The following CDC42BPA variants were observed in gnomAD, a reference collection of about 807,000 sequenced individuals.
CDC42BPA encodes the protein serine/threonine-protein kinase MRCK alpha.
CDC42BPA carries 80 observed loss-of-function variants against 223.5 expected under a neutral mutation model. That is an observed-to-expected ratio of 0.36 (90% CI 0.30 to 0.43). The LOEUF is 0.43. Ranked by LOEUF, CDC42BPA falls within the 20% of genes least tolerant of loss-of-function variation. The pLI, the probability that CDC42BPA is intolerant of heterozygous loss-of-function variation, is 1.00. For synonymous variants in CDC42BPA, 694 were observed against 718.6 expected (o/e 0.97, Z 0.55); for missense variants, 1,743 against 2,099.9 (o/e 0.83, Z 3.32).
intron 1 of CDC42BPA, among the ~76,000 whole-genome samples, chr1:227,268,823 C>A (rs886706679): frequency 3.3e-5 from 5 of 151,696 alleles, no homozygotes; most frequent in African/African-American, 1.2e-4. Flanking sequence ...GTAGCTGCGA[C>A]TACAGGCACA....
Position 227,281,696 on chromosome 1 carries a change from T to C in CDC42BPA, c.179-27541A>G, listed in dbSNP as rs74623287. ...CAACCACTAGCCTGAGTTAGAGCTT[T>C]TGCAAGTGCTCCAACTCAGACAATT... On this transcript the variant is annotated intron_variant, in intron 1 of 36. Transcript: ENST00000366766. Among the ~76,000 whole-genome samples the C allele has an allele frequency of 6.6e-4, 101 of 152,216 alleles. 1 individual carries two copies. Among genetic ancestry groups the C allele is most frequent in the Middle Eastern group, 3.4e-3 (1 of 294 alleles).
chr1:227,198,759 GTTT>G (rs5781469), intron 4 of CDC42BPA, among the ~76,000 whole-genome samples: 10 of 144,288 alleles, frequency 6.9e-5, no homozygotes, highest in Admixed American at 2.8e-4. Flanking sequence ...ATTTAAATGT[GTTT>G]TTTTTTTTTT....
At chr1:227,268,360 T>G (rs1275694673) in intron 1 of CDC42BPA, among the ~76,000 whole-genome samples, 5 of 152,136 alleles carry the variant, frequency 3.3e-5, no homozygotes. Context: ...AATTCTGTTT[T>G]AGTCGGTTTC....
intron 21 of CDC42BPA, among the ~76,000 whole-genome samples, chr1:227,062,800 C>T (rs1182367321): frequency 6.6e-6 from 1 of 151,184 alleles, no homozygotes; most frequent in Non-Finnish European, 1.5e-5. Context: ...TATATTACCA[C>T]CCATGTAAAA....
chr1:227,239,878 C>A (rs542463297), intron 2 of CDC42BPA, among the ~76,000 whole-genome samples: 2 of 152,154 alleles, frequency 1.3e-5, no homozygotes, highest in African/African-American at 4.8e-5. Context: ...GATGTCCACC[C>A]TTGTGACACC....
chr1:227,228,596 A>T (rs546626734), intron 2 of CDC42BPA, among the ~76,000 whole-genome samples: 1 of 152,316 alleles, frequency 6.6e-6, no homozygotes, highest in Non-Finnish European at 1.5e-5. Context: ...TAACATTTTG[A>T]GGAACTCTCT....
chr1:227,128,980 C>T (rs1656409291), intron 11 of CDC42BPA, 129 bp downstream of exon 11: 4 of 653,618 alleles, frequency 6.1e-6, no homozygotes, highest in Admixed American at 6.4e-5. Context: ...TTCTTATTTG[C>T]CCTTCCCTGA....
At chr1:227,246,970 G>A (rs1049803085) in intron 2 of CDC42BPA, among the ~76,000 whole-genome samples, 1 of 151,906 alleles carries the variant, frequency 6.6e-6, no homozygotes, top group African/African-American at 2.4e-5. Flanking sequence ...GGAGGCCGAG[G>A]TGGGTGGATT....
intron 15 of CDC42BPA, among the ~76,000 whole-genome samples, chr1:227,096,693 A>G (rs942828019): frequency 6.6e-6 from 1 of 152,154 alleles, no homozygotes. Flanking sequence ...GCTTCTTTTC[A>G]GCTGTCTTTG....
intron 21 of CDC42BPA, among the ~76,000 whole-genome samples, chr1:227,052,732 T>C (rs1475159178): frequency 6.6e-6 from 1 of 152,146 alleles, no homozygotes; most frequent in Non-Finnish European, 1.5e-5. Context: ...CAAAACAATG[T>C]TTAGATCAGA....
chr1:227,280,927 T>G (rs779164628), intron 1 of CDC42BPA, among the ~76,000 whole-genome samples: 1 of 152,162 alleles, frequency 6.6e-6, no homozygotes, highest in Non-Finnish European at 1.5e-5. Flanking sequence ...GGGTCAGAAC[T>G]GCCTCTCAGG....
chr1:227,256,522 C>T (rs1320734872), intron 1 of CDC42BPA, among the ~76,000 whole-genome samples: 1 of 151,796 alleles, frequency 6.6e-6, no homozygotes, highest in East Asian at 1.9e-4. Flanking sequence ...ATGGCCAAAA[C>T]ACATATGAAA....
At chr1:227,002,797 G>A (rs1663140619) in intron 35 of CDC42BPA, among the ~76,000 whole-genome samples, 1 of 152,168 alleles carries the variant, frequency 6.6e-6, no homozygotes, top group South Asian at 2.1e-4. Context: ...GGGTGAGCCA[G>A]GAAACTGATT....
At chr1:227,258,717 C>T (rs537891486) in intron 1 of CDC42BPA, among the ~76,000 whole-genome samples, 4 of 150,960 alleles carry the variant, frequency 2.6e-5, no homozygotes, top group East Asian at 3.9e-4. Context: ...ACTGATTATA[C>T]GTTCAACTTA....
chr1:227,028,885 A>G lies in CDC42BPA; in HGVS notation c.4204T>C (p.Phe1402Leu). ...TCTCCATTCAAGGGGTATCTTAGAA[A>G]TCCTGACTGGAATCCCACACAGAGT... ...EQLCVGFQSG[F>L]LRYPLNGEGN... is the part of the protein sequence containing the mutation. Residue 1402 changes from phenylalanine (F) to leucine (L), a missense_variant, in exon 30 of 37, where the codon TTT (phenylalanine) becomes CTT (leucine). Phe to Leu is a conservative substitution (Grantham distance 22, BLOSUM62 0). Coordinates refer to ENST00000366766, the MANE Select transcript of CDC42BPA (RefSeq NM_001394014.1). 1 of 1,613,782 alleles carries G rather than the reference A, an allele frequency of 6.2e-7. No individual in the cohort carries two copies. Among genetic ancestry groups the G allele is most frequent in the Non-Finnish European group, 8.5e-7 (1 of 1,179,708 alleles).
Position 227,316,996 on chromosome 1 carries a change from C to T in CDC42BPA, c.178+9G>A. On this transcript the variant is annotated intron_variant, in intron 1 of 36. Transcript: ENST00000366766. ...AGATTAACAGTTTCTTTAAAAATTA[C>T]AAACTTACCCCATTCTAGGTATTCG... The T allele has an allele frequency of 6.2e-7, 1 of 1,605,250 alleles. No individual in the cohort carries two copies. The highest frequency in any genetic ancestry group is 8.5e-7 in the Non-Finnish European group (1 of 1,172,386).
At chr1:227,162,972 A>C (rs114502021) in intron 5 of CDC42BPA, among the ~76,000 whole-genome samples, 1 of 91,214 alleles carries the variant, frequency 1.1e-5, no homozygotes, top group Non-Finnish European at 2.3e-5. Flanking sequence ...AAACGTGTGT[A>C]TGTTTCCAAA....
At position 227,074,031 on chromosome 1, in the gene CDC42BPA, G is replaced by A; in HGVS notation, c.2587-19C>T. The A allele has an allele frequency of 1.2e-6, 2 of 1,604,108 alleles. No individual in the cohort carries two copies. Among genetic ancestry groups the A allele is most frequent in the Non-Finnish European group, 1.7e-6 (2 of 1,177,120 alleles). Reference sequence around the variant, plus strand: ...GCATATCCTATGAAATAATGACTGTGTTTTTAGTTCCATCCTATTTTTAAC... The same window carrying A: ...GCATATCCTATGAAATAATGACTGTATTTTTAGTTCCATCCTATTTTTAAC... On this transcript the variant is annotated intron_variant, in intron 18 of 36. Transcript: ENST00000366766.
intron 16 of CDC42BPA, among the ~76,000 whole-genome samples, chr1:227,089,627 G>GTTTTTT (rs72110440): frequency 8.6e-6 from 1 of 116,718 alleles, no homozygotes; most frequent in African/African-American, 3.3e-5. Context: ...GGGTAATTCC[G>GTTTTTT]TTTTTTTTTT....
Sources: gnomAD v4.1 joint callset for allele counts (sites outside exome capture counted in the v4.1 genomes callset) on GRCh38, gnomAD v4.1.1 for gene constraint, MANE v1.5 for transcripts, NCBI Gene and HGNC (gene_info 2026-07-23, HGNC 2026-07-21) for gene names.